LRP1B: variants seen among roughly 807,000 people sequenced by gnomAD.
LRP1B encodes LDL receptor related protein 1B, also known as low-density lipoprotein receptor-related protein 1B.
Under a neutral mutation model 556.6 loss-of-function variants are expected in LRP1B, and 217 were observed. The observed-to-expected ratio is 0.39, with a 90% CI of 0.35 to 0.44. The LOEUF is 0.44. Among genes scored for constraint, LRP1B ranks in the 20% least tolerant of loss-of-function variants. The pLI is 1.00. For missense variants in LRP1B, 5,053 were observed against 5,620.8 expected (o/e 0.90, Z 3.23); for synonymous variants, 2,047 against 1,865.8 (o/e 1.10, Z -2.50).
intron 60 of LRP1B, among the ~76,000 whole-genome samples, chr2:140,473,751 T>C (rs1687859714): frequency 6.6e-6 from 1 of 151,872 alleles, no homozygotes; most frequent in African/African-American, 2.4e-5. Flanking sequence ...AAGTAATACA[T>C]ATACAACCTC....
intron 3 of LRP1B, among the ~76,000 whole-genome samples, chr2:141,322,988 C>A (rs929155420): frequency 3.3e-5 from 5 of 151,984 alleles, no homozygotes; most frequent in East Asian, 1.9e-4. Context: ...AAAATGAAGA[C>A]AACAATACCT....
At chr2:141,743,250 T>C (rs1035639557) in intron 2 of LRP1B, among the ~76,000 whole-genome samples, 1 of 152,202 alleles carries the variant, frequency 6.6e-6, no homozygotes, top group East Asian at 1.9e-4. Context: ...AATTTACAAA[T>C]GTTGAATCAC....
At chr2:141,855,310 G>A (rs1698015372) in intron 1 of LRP1B, among the ~76,000 whole-genome samples, 1 of 152,062 alleles carries the variant, frequency 6.6e-6, no homozygotes, top group African/African-American at 2.4e-5. Flanking sequence ...TTCTCTGTTA[G>A]CCCCTTAACG....
intron 3 of LRP1B, among the ~76,000 whole-genome samples, chr2:141,465,543 C>CCTTT (rs1682154948): frequency 1.7e-5 from 2 of 117,314 alleles, no homozygotes; most frequent in Non-Finnish European, 3.8e-5. Context: ...CACAGCATGA[C>CCTTT]TTTTTTTTTT....
chr2:141,307,933 G>C (rs564580231), intron 3 of LRP1B, among the ~76,000 whole-genome samples: 1 of 152,300 alleles, frequency 6.6e-6, no homozygotes, highest in African/African-American at 2.4e-5. Context: ...TGGCTCCCAA[G>C]TGCTTTGTAA....
chr2:140,779,705 A>G (rs1234068816), intron 32 of LRP1B, among the ~76,000 whole-genome samples: 1 of 149,206 alleles, frequency 6.7e-6, no homozygotes, highest in Non-Finnish European at 1.5e-5. Context: ...AAAAAAAAAA[A>G]AAAAAAAAAG....
chr2:141,589,280 A>G (rs1687248820), intron 2 of LRP1B, among the ~76,000 whole-genome samples: 1 of 152,192 alleles, frequency 6.6e-6, no homozygotes, highest in South Asian at 2.1e-4. Flanking sequence ...CTTAAAACTG[A>G]TCAAACTATG....
At position 141,743,566 on chromosome 2, in the gene LRP1B, G is replaced by A. The variant is rs1190012058; in HGVS notation, c.205+66713C>T. Among the ~76,000 whole-genome samples the A allele has an allele frequency of 7.1e-5, 10 of 140,482 alleles. No individual in the cohort carries two copies. The Admixed American group carries it at 7.7e-4, about 11-fold the overall frequency. 92.2% of individuals were successfully genotyped at this position (140,482 alleles called of 152,430 possible). On this transcript the variant is annotated intron_variant, in intron 2 of 90. Coordinates refer to ENST00000389484, the MANE Select transcript of LRP1B (RefSeq NM_018557.3). ...CTGGTTTTGCTTTAAATGTTTGGTA[G>A]AATTCAGCAATGATGCCACTGGGTC...
At chr2:141,952,876 A>T (rs1014346661) in intron 1 of LRP1B, among the ~76,000 whole-genome samples, 25 of 152,158 alleles carry the variant, frequency 1.6e-4, no homozygotes, top group African/African-American at 5.5e-4. Flanking sequence ...CATGCTATAA[A>T]GTAACACTCT....
At chr2:140,613,482 C>G (rs1441648266) in intron 41 of LRP1B, among the ~76,000 whole-genome samples, 2 of 143,176 alleles carry the variant, frequency 1.4e-5, no homozygotes, top group African/African-American at 5.1e-5. Context: ...ATGGTGAGTG[C>G]ACTCCAAGGC....
chr2:140,343,155 A>C (rs1486445522), intron 77 of LRP1B, among the ~76,000 whole-genome samples: 1 of 151,628 alleles, frequency 6.6e-6, no homozygotes, highest in Non-Finnish European at 1.5e-5. Context: ...CAGAATTTTG[A>C]ATGTTTAATA....
At position 141,810,877 on chromosome 2, in the gene LRP1B, T is replaced by C. The variant is rs115888471; in HGVS notation, c.83-476A>G. Among the ~76,000 whole-genome samples, 153 of 152,224 alleles carry C rather than the reference T, an allele frequency of 1.0e-3. 1 individual carries two copies. Among genetic ancestry groups the C allele is most frequent in the African/African-American group, 3.6e-3 (150 of 41,546 alleles). On this transcript the variant is annotated intron_variant, in intron 1 of 90. Transcript: ENST00000389484. The stretch of plus-strand genomic sequence containing the variant: ...AGTTCTTAACCATCCATCCTGATAC[T>C]GGGGCTTCACGTCTCTACGTGAGTT...
intron 84 of LRP1B, among the ~76,000 whole-genome samples, chr2:140,282,323 A>AT (rs1019240760): frequency 4.0e-5 from 6 of 151,852 alleles, no homozygotes; most frequent in African/African-American, 1.4e-4. Flanking sequence ...AGTCAGAGGC[A>AT]TTAGATGGTG....
rs1682535620 is a variant in LRP1B, at chr2:140,598,662, T to C, written c.7163A>G (p.Glu2388Gly). 6.2e-7 allele frequency: 1 copy of C among 1,613,698 alleles called. No homozygotes were observed. The highest frequency in any genetic ancestry group is 2.2e-5 in the East Asian group (1 of 44,804). The change falls in exon 43 of 91, where the codon GAA (glutamate) becomes GGA (glycine). Residue 2388 changes from glutamate to glycine, a missense_variant. Transcript: ENST00000389484. ...CTGGGATCCATCGTATTCACACCTT[T>C]CAATTTTTCCTAGACTGCCATCTGA... ...YFSDGSLGKI[E>G]RCEYDGSQRH...
chr2:140,691,014 T>C lies in LRP1B; in HGVS notation c.6799+9236A>G, dbSNP rs143502017. Among the ~76,000 whole-genome samples the C allele has an allele frequency of 8.5e-5, 13 of 152,274 alleles. No individual in the cohort carries two copies. The East Asian group carries it at 2.5e-3, about 29-fold the overall frequency. On this transcript the variant is annotated intron_variant, in intron 41 of 90. Transcript: ENST00000389484. ...GAGAACGAATGTCTGTATTCTATGA[T>C]CAAATTAAAACTATATGCATTCTAA...
chr2:141,070,882 G>C (rs1021479187), intron 7 of LRP1B, among the ~76,000 whole-genome samples: 1 of 151,884 alleles, frequency 6.6e-6, no homozygotes, highest in African/African-American at 2.4e-5. Context: ...CAACCAAAAA[G>C]AGTCCAGGAC....
intron 82 of LRP1B, among the ~76,000 whole-genome samples, chr2:140,319,187 A>G (rs1051846162): frequency 2.0e-5 from 3 of 152,104 alleles, no homozygotes; most frequent in African/African-American, 7.2e-5. Context: ...AGGTTGTGGA[A>G]ACATGGGATT....
intron 2 of LRP1B, among the ~76,000 whole-genome samples, chr2:141,662,592 C>G (rs1690262447): frequency 6.6e-6 from 1 of 151,990 alleles, no homozygotes; most frequent in Non-Finnish European, 1.5e-5. Context: ...AAGGGCATTA[C>G]CTAACAGTAA....
chr2:141,200,852 C>T (rs75987645), intron 6 of LRP1B, among the ~76,000 whole-genome samples: 4,781 of 152,102 alleles, frequency 0.031, 262 homozygotes, highest in African/African-American at 0.11. Context: ...GTAAGTGTTC[C>T]GTGAATATTT....
Sources: gnomAD v4.1 joint callset for allele counts (sites outside exome capture counted in the v4.1 genomes callset) on GRCh38, gnomAD v4.1.1 for gene constraint, MANE v1.5 for transcripts, NCBI Gene and HGNC (gene_info 2026-07-23, HGNC 2026-07-21) for gene names.